Variants in ARHGEF18 observed in about 807,000 individuals in gnomAD.
ARHGEF18 encodes Rho/Rac guanine nucleotide exchange factor 18.
Under a neutral mutation model 155.7 loss-of-function variants are expected in ARHGEF18, and 93 were observed. The ratio of observed to expected loss-of-function variants is 0.60; its 90% CI spans 0.50 to 0.71. The LOEUF is 0.71. Ranked by LOEUF, ARHGEF18 falls within the 30% of genes least tolerant of loss-of-function variation. ARHGEF18 has a pLI of 0.00. For synonymous variants in ARHGEF18, 742 were observed against 753.1 expected (o/e 0.99, Z 0.24); for missense variants, 1,593 against 1,816.1 (o/e 0.88, Z 2.23).
chr19:7,387,935 G>A (rs931147184), intron 10 of ARHGEF18, among the ~76,000 whole-genome samples: 1 of 145,710 alleles, frequency 6.9e-6, no homozygotes, highest in Non-Finnish European at 1.6e-5. Context: ...AAAGTGCTGA[G>A]ATTATAGGCA....
At chr19:7,450,423 G>T in intron 15 of ARHGEF18, among the ~76,000 whole-genome samples, 1 of 145,720 alleles carries the variant, frequency 6.9e-6, no homozygotes, top group Non-Finnish European at 1.5e-5. Context: ...TGTTAATGCG[G>T]GATCTTGCTT....
At chr19:7,456,292 C>A in intron 17 of ARHGEF18, 35 bp from the exon 18 acceptor site, 1 of 1,608,464 alleles carries the variant, frequency 6.2e-7, no homozygotes. Context: ...GGCTATGGGA[C>A]TTTTAAGATG....
At chr19:7,352,832 C>CTTTTTTTTTTTTTTTTTTTTTT (rs587602037) in intron 1 of ARHGEF18, among the ~76,000 whole-genome samples, 1 of 49,876 alleles carries the variant, frequency 2.0e-5, no homozygotes, top group African/African-American at 7.7e-5. Context: ...CGTGCCTGGC[C>CTTTTTTTTTTTTTTTTTTTTTT]TTTTTTTTTT....
chr19:7,408,751 C>T (rs1244007279), intron 10 of ARHGEF18, among the ~76,000 whole-genome samples: 2 of 152,160 alleles, frequency 1.3e-5, no homozygotes, highest in East Asian at 1.9e-4. Context: ...CAGATGAAAA[C>T]AACAAGACCG....
At chr19:7,383,259 C>A (rs554946752) in intron 10 of ARHGEF18, 56 bp downstream of exon 10, 1 of 1,231,472 alleles carries the variant, frequency 8.1e-7, no homozygotes, top group East Asian at 3.2e-5. Flanking sequence ...CTCTTCTTCA[C>A]GTCCTTTCAA....
At chr19:7,456,727 C>T (rs897920059) in intron 18 of ARHGEF18, among the ~76,000 whole-genome samples, 2 of 151,970 alleles carry the variant, frequency 1.3e-5, no homozygotes, top group Non-Finnish European at 2.9e-5. Flanking sequence ...GGCAACAGAG[C>T]GAGACTCTAT....
intron 10 of ARHGEF18, among the ~76,000 whole-genome samples, chr19:7,412,678 G>T (rs369311146): frequency 9.9e-5 from 15 of 150,822 alleles, no homozygotes; most frequent in East Asian, 9.9e-4. Flanking sequence ...GGAGGCGGAG[G>T]TTGCAGTGAA....
At chr19:7,467,168 G>T (rs747197203) in intron 25 of ARHGEF18, 46 bp from the exon 26 acceptor site, 19 of 1,577,696 alleles carry the variant, frequency 1.2e-5, no homozygotes, top group Non-Finnish European at 1.6e-5. Flanking sequence ...CTGGTTGGCT[G>T]GGGCGCAGGT....
intron 10 of ARHGEF18, among the ~76,000 whole-genome samples, chr19:7,398,708 TAAAG>T (rs765554342): frequency 3.2e-4 from 47 of 147,654 alleles, no homozygotes; most frequent in African/African-American, 1.0e-3. Context: ...AAAAAAAAAA[TAAAG>T]AAAGAAAGAA....
In ARHGEF18 at chr19:7,467,196, G is replaced by A; in HGVS notation, c.3010-18G>A. 1 of 1,581,258 alleles carries A rather than the reference G, an allele frequency of 6.3e-7. No individual in the cohort carries two copies. Among genetic ancestry groups the A allele is most frequent in the Non-Finnish European group, 8.6e-7 (1 of 1,159,528 alleles). On this transcript the variant is annotated intron_variant, in intron 25 of 28. Transcript: ENST00000668164. ...GCGCAGGTGCGGCTCTCACTCGCCT[G>A]GCCCTGGCCCTCCGCAGGCGGTAAT...
At chr19:7,465,208 G>A (rs1976538383) in intron 23 of ARHGEF18, among the ~76,000 whole-genome samples, 1 of 152,152 alleles carries the variant, frequency 6.6e-6, no homozygotes, top group African/African-American at 2.4e-5. Flanking sequence ...CTCCCAGGAG[G>A]CCCCAGCCCC....
At chr19:7,449,341 A>G (rs1337770339) in intron 15 of ARHGEF18, among the ~76,000 whole-genome samples, 1 of 152,082 alleles carries the variant, frequency 6.6e-6, no homozygotes, top group African/African-American at 2.4e-5. Context: ...GGGGAGGCCA[A>G]GGCAGGCGGA....
chr19:7,378,739 C>T (rs1302921021), intron 6 of ARHGEF18, among the ~76,000 whole-genome samples: 2 of 131,768 alleles, frequency 1.5e-5, no homozygotes, highest in African/African-American at 5.9e-5. Context: ...GTCACCCAGG[C>T]TGGAGTACAG....
At chr19:7,349,917 C>A (rs1376038826) in intron 1 of ARHGEF18, among the ~76,000 whole-genome samples, 1 of 152,072 alleles carries the variant, frequency 6.6e-6, no homozygotes, top group Non-Finnish European at 1.5e-5. Context: ...GTTGCAGATT[C>A]TGAATCCACT....
At position 7,357,636 on chromosome 19, in the gene ARHGEF18, C is replaced by T. The variant is rs1318430554; in HGVS notation, c.-110-5145C>T. On this transcript the variant is annotated intron_variant, in intron 1 of 28. Coordinates refer to ENST00000668164, the MANE Select transcript of ARHGEF18 (RefSeq NM_001367823.1). ...CCCTGGGAGAGTGACTCCCTTACAG[C>T]GTGTCTCCTGTCATCAGCCTTGGAA... Among the ~76,000 whole-genome samples, 3 of 152,112 alleles carry T rather than the reference C, an allele frequency of 2.0e-5. No individual in the cohort carries two copies. The South Asian group carries it at 6.2e-4, about 31-fold the overall frequency.
At chr19:7,414,990 A>G (rs1404447503) in intron 10 of ARHGEF18, among the ~76,000 whole-genome samples, 2 of 151,960 alleles carry the variant, frequency 1.3e-5, no homozygotes, top group African/African-American at 2.4e-5. Context: ...GTAAAATTCC[A>G]TCTCAAAATA....
chr19:7,350,952 C>T (rs1002507112), intron 1 of ARHGEF18, among the ~76,000 whole-genome samples: 9 of 151,992 alleles, frequency 5.9e-5, no homozygotes, highest in African/African-American at 1.7e-4. Flanking sequence ...TACAGGCACA[C>T]GCCTCCATGC....
chr19:7,447,152 T>C lies in ARHGEF18; in HGVS notation c.1721T>C (p.Phe574Ser). ...YKLLLQQNKK[F>S]QNLIKKIGNF... ...TTGCTGCTTCAGCAAAACAAGAAATTTCAAAACTTGATCAAGGTAAAAACA... is the reference window on the plus strand; with the variant it reads ...TTGCTGCTTCAGCAAAACAAGAAATCTCAAAACTTGATCAAGGTAAAAACA... Residue 574 changes from phenylalanine to serine, a missense_variant, in exon 15 of 29, where the codon TTT becomes TCT. Coordinates refer to ENST00000668164, the MANE Select transcript of ARHGEF18 (RefSeq NM_001367823.1). 1 of 1,612,358 alleles carries C rather than the reference T, an allele frequency of 6.2e-7. No homozygotes were observed. The highest frequency in any genetic ancestry group is 2.2e-5 in the East Asian group (1 of 44,846).
At chr19:7,419,634 T>C (rs1042876114) in intron 10 of ARHGEF18, among the ~76,000 whole-genome samples, 1 of 152,044 alleles carries the variant, frequency 6.6e-6, no homozygotes, top group Non-Finnish European at 1.5e-5. Flanking sequence ...AGGGTTTCCT[T>C]TTCTCCATCA....
Sources: allele counts gnomAD v4.1 joint callset (sites outside exome capture counted in the v4.1 genomes callset), GRCh38; gene constraint gnomAD v4.1.1; transcripts MANE v1.5; gene names NCBI Gene and HGNC (gene_info 2026-07-23, HGNC 2026-07-21).